Variants in ARAP2 observed in about 807,000 individuals in gnomAD.
ARAP2 encodes the protein arf-GAP with Rho-GAP domain, ANK repeat and PH domain-containing protein 2.
In ARAP2, 148 loss-of-function variants were observed where a neutral mutation model predicts 194.5. The observed-to-expected ratio is 0.76, with a 90% CI of 0.67 to 0.87. ARAP2 has a LOEUF of 0.87. Among genes scored for constraint, ARAP2 ranks in the 40% least tolerant of loss-of-function variants. The pLI is 0.00. For missense variants in ARAP2, 2,128 were observed against 1,989.7 expected (o/e 1.07, Z -1.32); for synonymous variants, 695 against 683.5 (o/e 1.02, Z -0.26).
At chr4:36,024,229 T>C (rs1352592688) in intron 5 of ARAP2, among the ~76,000 whole-genome samples, 2 of 152,156 alleles carry the variant, frequency 1.3e-5, no homozygotes, top group Non-Finnish European at 2.9e-5. Flanking sequence ...TTCCAAAAGT[T>C]GATCAAGTCA....
intron 6 of ARAP2, among the ~76,000 whole-genome samples, chr4:36,196,971 C>T (rs936822578): frequency 6.6e-6 from 1 of 151,596 alleles, no homozygotes; most frequent in South Asian, 2.1e-4. Flanking sequence ...CCTGACTATG[C>T]ATAGATCATT....
chr4:36,160,678 T>C, intron 12 of ARAP2, 37 bp from the exon 13 acceptor site: 1 of 1,348,052 alleles, frequency 7.4e-7, no homozygotes, highest in Non-Finnish European at 9.6e-7. Flanking sequence ...AATATATCAG[T>C]TCATAAAATA....
chr4:36,097,833 T>A (rs1236527825), intron 27 of ARAP2, among the ~76,000 whole-genome samples: 1 of 152,062 alleles, frequency 6.6e-6, no homozygotes, highest in East Asian at 1.9e-4. Context: ...GTTGCTAGGA[T>A]GAGAAAGGAT....
At chr4:36,194,489 A>C (rs1415862645) in intron 6 of ARAP2, among the ~76,000 whole-genome samples, 1 of 152,170 alleles carries the variant, frequency 6.6e-6, no homozygotes, top group Non-Finnish European at 1.5e-5. Flanking sequence ...TTCTAAACAA[A>C]TATCAACTCT....
chr4:36,239,368 A>G (rs1476140278), intron 1 of ARAP2, among the ~76,000 whole-genome samples: 35 of 151,662 alleles, frequency 2.3e-4, no homozygotes, highest in Admixed American at 2.3e-3. Context: ...GAGTGGAAGC[A>G]ACCCAGATAT....
chr4:36,171,250 G>C (rs1195956675), intron 9 of ARAP2, among the ~76,000 whole-genome samples: 1 of 152,226 alleles, frequency 6.6e-6, no homozygotes, highest in Non-Finnish European at 1.5e-5. Flanking sequence ...ATTCACAATA[G>C]CAAAGACTTG....
chr4:36,068,347 C>T, intron 32 of ARAP2, 69 bp from the exon 33 acceptor site: 1 of 1,463,070 alleles, frequency 6.8e-7, no homozygotes, highest in Non-Finnish European at 9.0e-7. Flanking sequence ...AAAGTGCAAT[C>T]CACATAAAAG....
At chr4:36,158,423 T>C (rs1733093535) in intron 15 of ARAP2, among the ~76,000 whole-genome samples, 1 of 152,156 alleles carries the variant, frequency 6.6e-6, no homozygotes, top group African/African-American at 2.4e-5. Context: ...AGTTGGGGTG[T>C]CCATCCCTAA....
At chr4:36,161,440 C>T (rs760067026) in intron 12 of ARAP2, 25 bp downstream of exon 12, 1 of 1,593,172 alleles carries the variant, frequency 6.3e-7, no homozygotes, top group Admixed American at 1.7e-5. Context: ...CTATCACAAC[C>T]CCATTCAGGT....
At chr4:36,194,786 T>C (rs185699522) in intron 6 of ARAP2, among the ~76,000 whole-genome samples, 220 of 152,344 alleles carry the variant, frequency 1.4e-3, no homozygotes, top group South Asian at 2.3e-3. Flanking sequence ...CATATAAGCA[T>C]TGAATTAATT....
At chr4:36,025,356 A>C (rs1232852532) in intron 5 of ARAP2, among the ~76,000 whole-genome samples, 1 of 152,152 alleles carries the variant, frequency 6.6e-6, no homozygotes, top group African/African-American at 2.4e-5. Context: ...TAATTTTTCA[A>C]CTAATTAAAG....
chr4:36,077,565 C>T lies in ARAP2; in HGVS notation c.4608+2651G>A, dbSNP rs543088417. On this transcript the variant is annotated intron_variant, in intron 31 of 32. Coordinates refer to ENST00000303965, the MANE Select transcript of ARAP2 (RefSeq NM_015230.4). The stretch of plus-strand genomic sequence containing the variant: ...GCAATAATTCCAAAAGCCTTATTGG[C>T]TCTACCTTCAAAATATTCCTGAATC... Among the ~76,000 whole-genome samples, 63 of 152,130 alleles carry T rather than the reference C, an allele frequency of 4.1e-4. No homozygotes were observed. In the South Asian group the frequency reaches 0.013, roughly 31 times the overall value.
chr4:36,219,236 C>T (rs1161707386), intron 2 of ARAP2, among the ~76,000 whole-genome samples: 1 of 152,154 alleles, frequency 6.6e-6, no homozygotes, highest in East Asian at 1.9e-4. Flanking sequence ...TACTCAACGG[C>T]CATGCATACA....
chr4:36,191,264 T>G (rs1466526669), intron 7 of ARAP2, among the ~76,000 whole-genome samples: 1 of 152,106 alleles, frequency 6.6e-6, no homozygotes, highest in Non-Finnish European at 1.5e-5. Flanking sequence ...TCACTAGAAA[T>G]AAGTCAAGTA....
intron 2 of ARAP2, among the ~76,000 whole-genome samples, chr4:36,055,299 C>A (rs1577677266): frequency 6.6e-6 from 1 of 152,150 alleles, no homozygotes; most frequent in African/African-American, 2.4e-5. Flanking sequence ...GGAATGTGTC[C>A]ATATTGTTCT....
intron 5 of ARAP2, among the ~76,000 whole-genome samples, chr4:36,026,482 T>C (rs1265564084): frequency 6.6e-6 from 1 of 152,154 alleles, no homozygotes; most frequent in Non-Finnish European, 1.5e-5. Flanking sequence ...ACATTGTTGA[T>C]TGGATGTCAT....
At chr4:36,233,452 C>T (rs1751892040) in intron 1 of ARAP2, among the ~76,000 whole-genome samples, 2 of 152,196 alleles carry the variant, frequency 1.3e-5, no homozygotes. Flanking sequence ...GTGGTAATTA[C>T]AGTCCTAAGT....
intron 20 of ARAP2, 45 bp from the exon 21 acceptor site, chr4:36,128,790 A>G (rs1724642494): frequency 1.4e-6 from 2 of 1,451,034 alleles, no homozygotes; most frequent in South Asian, 1.3e-5. Context: ...TCTAAATTCA[A>G]AAGCCAGTTT....
chr4:36,175,084 T>C (rs1161528484), intron 9 of ARAP2, among the ~76,000 whole-genome samples: 1 of 152,178 alleles, frequency 6.6e-6, no homozygotes, highest in Non-Finnish European at 1.5e-5. Context: ...GGGCAATAAA[T>C]CCCATTTTAA....
Sources: allele counts gnomAD v4.1 joint callset (sites outside exome capture counted in the v4.1 genomes callset), GRCh38; gene constraint gnomAD v4.1.1; transcripts MANE v1.5; gene names NCBI Gene and HGNC (gene_info 2026-07-23, HGNC 2026-07-21).